YEATS2: variants seen among roughly 807,000 people sequenced by gnomAD.
The protein encoded by YEATS2 is YEATS domain-containing protein 2.
A neutral mutation model predicts 163.2 loss-of-function variants in YEATS2; 77 were observed. The observed-to-expected ratio is 0.47, with a 90% CI of 0.39 to 0.57. The LOEUF is 0.57. YEATS2 is among the 20% of genes least tolerant of loss of function. The probability of loss-of-function intolerance (pLI) is 0.00; values close to 1 mark genes in which losing one functional copy is unlikely to be tolerated. For missense variants in YEATS2, 1,549 were observed against 1,729.8 expected, an observed-to-expected ratio of 0.90 and a Z score of 1.85; for synonymous variants, 631 against 645.1, an observed-to-expected ratio of 0.98 and a Z score of 0.33.
chr3:183,803,672 A>G, intron 26 of YEATS2: 2 of 496,074 alleles, frequency 4.0e-6, no homozygotes, highest in South Asian at 4.5e-5. Context: ...GGTGGAGACC[A>G]GGTGAAGATC....
In YEATS2 at chr3:183,810,515, AT is replaced by A. The variant is rs773329907; in HGVS notation, c.4204del (p.Cys1402AlafsTer17). The A allele has an allele frequency of 6.2e-7, 1 of 1,614,188 alleles. No homozygotes were observed. Among genetic ancestry groups the A allele is most frequent in the Non-Finnish European group, 8.5e-7 (1 of 1,180,040 alleles). On this transcript the variant is annotated frameshift_variant, in exon 31 of 31. Coordinates refer to ENST00000305135, the MANE Select transcript of YEATS2 (RefSeq NM_018023.5). LOFTEE classifies it high-confidence loss of function. ...EITVSNIHQA[I>X]CNIPFLDFLT... Reference sequence around the variant, plus strand: ...TACAGTGAGTAATATTCACCAGGCCATTTGCAACATTCCTTTTCTGGACTTC... The same window carrying A: ...TACAGTGAGTAATATTCACCAGGCCATTGCAACATTCCTTTTCTGGACTTC...
chr3:183,805,008 CAAAA>C (rs888752033), intron 27 of YEATS2, among the ~76,000 whole-genome samples: 8 of 148,654 alleles, frequency 5.4e-5, no homozygotes, highest in Non-Finnish European at 9.0e-5. Context: ...ACCACACACA[CAAAA>C]AAAACAGACC....
chr3:183,801,510 C>G lies in YEATS2; in HGVS notation c.3484C>G (p.Pro1162Ala), dbSNP rs1414675915. ...CCTAACTGCAGTAGTAAAGAAGATT[C>G]CATTAATCACTGCAAAAAGTAAGAC... ...QLLTAVVKKI[P>A]LITAKSEDAS... is the part of the protein sequence containing the mutation. The change falls in exon 25 of 31, where the codon CCA becomes GCA. Residue 1162 changes from proline (P) to alanine (A), a missense_variant. Pro to Ala is a conservative substitution (Grantham distance 27). Coordinates refer to ENST00000305135, the MANE Select transcript of YEATS2 (RefSeq NM_018023.5). The G allele has an allele frequency of 1.9e-6, 3 of 1,610,272 alleles. No individual in the cohort carries two copies. The highest frequency in any genetic ancestry group is 2.2e-5 in the East Asian group (1 of 44,776).
chr3:183,722,239 A>G, intron 5 of YEATS2, 103 bp downstream of exon 5: 1 of 1,261,598 alleles, frequency 7.9e-7, no homozygotes, highest in Admixed American at 3.0e-5. Flanking sequence ...GAATCTTAGG[A>G]AATAGGTTTG....
chr3:183,735,985 A>G (rs955511181), intron 7 of YEATS2, among the ~76,000 whole-genome samples: 1 of 152,262 alleles, frequency 6.6e-6, no homozygotes, highest in Non-Finnish European at 1.5e-5. Context: ...TATATCAATT[A>G]AATTTCTAAA....
intron 21 of YEATS2, among the ~76,000 whole-genome samples, chr3:183,795,618 T>G (rs887825058): frequency 3.3e-5 from 5 of 151,878 alleles, no homozygotes; most frequent in Admixed American, 2.0e-4. Flanking sequence ...TTCTTTTACA[T>G]ATACTGAGAT....
chr3:183,744,273 C>T (rs375894460), intron 8 of YEATS2, among the ~76,000 whole-genome samples: 5 of 151,538 alleles, frequency 3.3e-5, no homozygotes, highest in South Asian at 2.1e-4. Context: ...CCACCACGCA[C>T]GGCTAATTTT....
intron 11 of YEATS2, 102 bp downstream of exon 11, chr3:183,754,467 C>T: frequency 6.9e-7 from 1 of 1,456,776 alleles, no homozygotes; most frequent in Non-Finnish European, 9.1e-7. Context: ...TTAAGTTCTT[C>T]TAAGCAGTGT....
chr3:183,757,527 G>A (rs1236079060), intron 12 of YEATS2, among the ~76,000 whole-genome samples: 4 of 152,144 alleles, frequency 2.6e-5, no homozygotes, highest in South Asian at 2.1e-4. Flanking sequence ...CAATCCACCT[G>A]CCTCAGCCTC....
chr3:183,789,553 T>TG (rs1553881006), intron 20 of YEATS2, among the ~76,000 whole-genome samples: 74 of 118,038 alleles, frequency 6.3e-4, no homozygotes, highest in African/African-American at 2.6e-3. Flanking sequence ...TTTTTTTTTT[T>TG]GAGACAGAGT....
chr3:183,757,505 G>C (rs889796602), intron 12 of YEATS2, among the ~76,000 whole-genome samples: 1 of 151,860 alleles, frequency 6.6e-6, no homozygotes, highest in Non-Finnish European at 1.5e-5. Flanking sequence ...TGGCCAGGCT[G>C]GTCTCAAACT....
chr3:183,762,239 G>T lies in YEATS2; in HGVS notation c.1907G>T (p.Gly636Val). The change falls in exon 15 of 31, where the codon GGA becomes GTA. Residue 636 changes from glycine to valine, a missense_variant. Physicochemically the swap from Gly to Val is moderately radical, Grantham distance 109 (BLOSUM62 -3). Coordinates refer to ENST00000305135, the MANE Select transcript of YEATS2 (RefSeq NM_018023.5). ...CCTCAAAAACAGGTCATAACTCCTG[G>T]AGAAGGGATTGCCCAGTCAGCAAAG... ...VSPQKQVITP[G>V]EGIAQSAKVQ... is the part of the protein sequence containing the mutation. The T allele has an allele frequency of 1.9e-6, 3 of 1,611,104 alleles. No homozygotes were observed. The highest frequency in any genetic ancestry group is 2.5e-6 in the Non-Finnish European group (3 of 1,177,550).
intron 8 of YEATS2, among the ~76,000 whole-genome samples, chr3:183,745,386 A>C (rs950998371): frequency 6.6e-6 from 1 of 152,118 alleles, no homozygotes; most frequent in Non-Finnish European, 1.5e-5. Context: ...ATTGTCTCGC[A>C]CAAATCCCCT....
intron 15 of YEATS2, among the ~76,000 whole-genome samples, chr3:183,765,930 G>A (rs1490384745): frequency 2.7e-5 from 4 of 149,776 alleles, no homozygotes; most frequent in African/African-American, 9.9e-5. Flanking sequence ...CTGGGAGATA[G>A]AGCAAGACTC....
chr3:183,755,259 A>G (rs1720601542), intron 11 of YEATS2, among the ~76,000 whole-genome samples: 1 of 152,270 alleles, frequency 6.6e-6, no homozygotes, highest in South Asian at 2.1e-4. Context: ...CTGGGACTGC[A>G]GGCACGTGTC....
rs1167681799 is a variant in YEATS2, at chr3:183,701,921, G to C, written c.-20+3928G>C. ...ACTCCTCAGACAAGCAGGATAAACA[G>C]CCCTTGCCTAGAACTAGTTCTACTT... is the stretch of plus-strand genomic sequence containing the variant. On this transcript the variant is annotated intron_variant, in intron 1 of 30. Transcript: ENST00000305135. 2.0e-5 allele frequency among the ~76,000 whole-genome samples: 3 copies of C among 152,028 alleles called. No individual in the cohort carries two copies. In the East Asian group the frequency reaches 5.8e-4, roughly 29 times the overall value.
intron 11 of YEATS2, among the ~76,000 whole-genome samples, chr3:183,755,089 T>TGAGA (rs1035115973): frequency 6.6e-6 from 1 of 152,100 alleles, no homozygotes; most frequent in African/African-American, 2.4e-5. Context: ...AAATCTTTGA[T>TGAGA]GAGAGATAAA....
intron 19 of YEATS2, among the ~76,000 whole-genome samples, chr3:183,782,668 C>T (rs531875563): frequency 6.6e-6 from 1 of 152,214 alleles, no homozygotes; most frequent in Non-Finnish European, 1.5e-5. Flanking sequence ...AGGTGATCTG[C>T]CTGCCTCGGC....
At chr3:183,760,743 G>T (rs1315572401) in intron 13 of YEATS2, among the ~76,000 whole-genome samples, 4 of 152,130 alleles carry the variant, frequency 2.6e-5, no homozygotes, top group Non-Finnish European at 5.9e-5. Context: ...TGTATTCTGG[G>T]TGTTCATTGA....
Sources: allele counts gnomAD v4.1 joint callset (sites outside exome capture counted in the v4.1 genomes callset), GRCh38; gene constraint gnomAD v4.1.1; transcripts MANE v1.5; gene names NCBI Gene and HGNC (gene_info 2026-07-23, HGNC 2026-07-21).